NCKAP5: variants seen among roughly 807,000 people sequenced by gnomAD.
NCKAP5 encodes the protein nck-associated protein 5.
NCKAP5 carries 92 observed loss-of-function variants against 167.0 expected under a neutral mutation model. The observed-to-expected ratio is 0.55, with a 90% CI of 0.47 to 0.66. The LOEUF is 0.66. NCKAP5 is among the 30% of genes least tolerant of loss of function. The probability of loss-of-function intolerance (pLI) is 0.00; values close to 1 mark genes in which losing one functional copy is unlikely to be tolerated. For missense variants in NCKAP5, 2,378 were observed against 2,315.0 expected, an observed-to-expected ratio of 1.03 and a Z score of -0.56; for synonymous variants, 891 against 877.4, an observed-to-expected ratio of 1.02 and a Z score of -0.27.
chr2:133,234,252 A>T (rs1016999339), intron 4 of NCKAP5, among the ~76,000 whole-genome samples: 1 of 152,222 alleles, frequency 6.6e-6, no homozygotes, highest in Non-Finnish European at 1.5e-5. Flanking sequence ...GCCATAACAT[A>T]AGTCCTTTAG....
intron 16 of NCKAP5, among the ~76,000 whole-genome samples, chr2:132,762,087 G>A (rs888587913): frequency 6.6e-6 from 1 of 152,172 alleles, no homozygotes; most frequent in East Asian, 1.9e-4. Context: ...TCCTCGTCAC[G>A]CTGCTGAGCA....
At chr2:133,261,631 CA>C (rs2088912427) in intron 4 of NCKAP5, among the ~76,000 whole-genome samples, 1 of 152,122 alleles carries the variant, frequency 6.6e-6, no homozygotes. Context: ...AGCCCAAGCA[CA>C]GTGACTTTTT....
chr2:133,205,157 G>A (rs116055941), intron 5 of NCKAP5, among the ~76,000 whole-genome samples: 7,966 of 152,092 alleles, frequency 0.052, 653 homozygotes, highest in African/African-American at 0.18. Context: ...GCCAGGCATC[G>A]TGGTGTGTGC....
chr2:133,003,144 G>A (rs1318581583), intron 6 of NCKAP5, among the ~76,000 whole-genome samples: 1 of 152,108 alleles, frequency 6.6e-6, no homozygotes, highest in Non-Finnish European at 1.5e-5. Flanking sequence ...ACCACTGTCG[G>A]CTCCTGGCAG....
At chr2:133,251,319 G>A (rs2088311140) in intron 4 of NCKAP5, among the ~76,000 whole-genome samples, 1 of 152,172 alleles carries the variant, frequency 6.6e-6, no homozygotes, top group African/African-American at 2.4e-5. Flanking sequence ...AGCACAGTGA[G>A]GGATGCCTGT....
At chr2:133,345,790 G>A (rs980592051) in intron 3 of NCKAP5, among the ~76,000 whole-genome samples, 3 of 152,064 alleles carry the variant, frequency 2.0e-5, no homozygotes, top group African/African-American at 4.8e-5. Flanking sequence ...ATGGAGTAAC[G>A]CAAAAGATCA....
chr2:133,648,326 C>T, the NCKAP5 span, among the ~76,000 whole-genome samples: 2 of 151,608 alleles, frequency 1.3e-5, no homozygotes, highest in African/African-American at 4.8e-5. Flanking sequence ...ACTTCGACAC[C>T]GCATTTTCAA....
intron 8 of NCKAP5, chr2:132,915,570 G>A (rs1365079585): frequency 1.3e-5 from 2 of 152,152 alleles, no homozygotes; most frequent in African/African-American, 4.8e-5. Flanking sequence ...ACAGCCCACT[G>A]GTTGGGGCAT....
At chr2:133,240,620 T>C (rs2087651116) in intron 4 of NCKAP5, among the ~76,000 whole-genome samples, 1 of 152,228 alleles carries the variant, frequency 6.6e-6, no homozygotes, top group African/African-American at 2.4e-5. Context: ...CCTCCCATTG[T>C]GTACGTATAA....
chr2:133,210,429 C>T (rs566563336), intron 5 of NCKAP5, among the ~76,000 whole-genome samples: 58 of 151,972 alleles, frequency 3.8e-4, no homozygotes, highest in African/African-American at 1.2e-3. Context: ...TTCTTCTATA[C>T]CATTTTTCCT....
At chr2:133,280,024 C>T (rs1265460445) in intron 4 of NCKAP5, among the ~76,000 whole-genome samples, 1 of 152,116 alleles carries the variant, frequency 6.6e-6, no homozygotes, top group Non-Finnish European at 1.5e-5. Context: ...GTATCCAGAT[C>T]CTCTTTAGAC....
intron 3 of NCKAP5, among the ~76,000 whole-genome samples, chr2:133,358,619 T>C (rs1026930766): frequency 6.6e-6 from 1 of 152,224 alleles, no homozygotes; most frequent in Non-Finnish European, 1.5e-5. Flanking sequence ...TAACATTATC[T>C]TGTTCTTTTG....
intron 3 of NCKAP5, among the ~76,000 whole-genome samples, chr2:133,474,305 A>G (rs1031216915): frequency 3.3e-5 from 5 of 152,186 alleles, no homozygotes; most frequent in African/African-American, 1.2e-4. Flanking sequence ...GCATAGAAAG[A>G]CAAATACCAC....
At chr2:133,131,183 C>T (rs72998896) in intron 5 of NCKAP5, among the ~76,000 whole-genome samples, 5,143 of 152,240 alleles carry the variant, frequency 0.034, 263 homozygotes, top group African/African-American at 0.12. Context: ...ATGAAAGAAA[C>T]ATTAGACTAG....
chr2:133,202,206 C>G (rs1375297239), intron 5 of NCKAP5, among the ~76,000 whole-genome samples: 1 of 151,984 alleles, frequency 6.6e-6, no homozygotes, highest in Non-Finnish European at 1.5e-5. Context: ...CAATGGAACA[C>G]AACAGAGCCC....
intron 16 of NCKAP5, among the ~76,000 whole-genome samples, chr2:132,751,744 G>C (rs914553316): frequency 6.6e-6 from 1 of 152,156 alleles, no homozygotes; most frequent in African/African-American, 2.4e-5. Context: ...TGTGTCTCTA[G>C]GGTGTTGCTT....
intron 16 of NCKAP5, among the ~76,000 whole-genome samples, chr2:132,753,664 G>T (rs755880221): frequency 2.0e-5 from 3 of 152,220 alleles, no homozygotes; most frequent in Admixed American, 6.5e-5. Context: ...AGTTGACTCA[G>T]CAGCAGGGAG....
rs187891683 is a variant in NCKAP5, at chr2:133,037,813, A to C, written c.342-43574T>G. Reference sequence around the variant, plus strand: ...CAAATGGGATCACATCAAGTTCAAAAGCTTCTATACAGCAAAGGATACAAT... The same window carrying C: ...CAAATGGGATCACATCAAGTTCAAACGCTTCTATACAGCAAAGGATACAAT... On this transcript the variant is annotated intron_variant, in intron 6 of 19. Transcript: ENST00000409261. Among the ~76,000 whole-genome samples, 92 of 152,308 alleles carry C rather than the reference A, an allele frequency of 6.0e-4. 1 individual carries two copies. The highest frequency in any genetic ancestry group is 4.3e-3 in the South Asian group (21 of 4,828).
intron 6 of NCKAP5, among the ~76,000 whole-genome samples, chr2:133,111,937 C>T (rs1294245254): frequency 6.6e-6 from 1 of 152,074 alleles, no homozygotes; most frequent in Non-Finnish European, 1.5e-5. Flanking sequence ...TCCCCCAGCC[C>T]ACAGCCACTG....
Sources: allele counts gnomAD v4.1 joint callset (sites outside exome capture counted in the v4.1 genomes callset), GRCh38; gene constraint gnomAD v4.1.1; transcripts MANE v1.5; gene names NCBI Gene and HGNC (gene_info 2026-07-23, HGNC 2026-07-21).